HMGXB3: variants seen among roughly 807,000 people sequenced by gnomAD.
The protein encoded by HMGXB3 is HMG domain-containing protein 3.
In HMGXB3, 45 loss-of-function variants were observed where a neutral mutation model predicts 121.5. That is an observed-to-expected ratio of 0.37 (90% CI 0.29 to 0.47). The LOEUF is 0.47. Ranked by LOEUF, HMGXB3 falls within the 20% of genes least tolerant of loss-of-function variation. HMGXB3 has a pLI of 0.99. For synonymous variants in HMGXB3, 590 were observed against 624.1 expected, an observed-to-expected ratio of 0.95 and a Z score of 0.81; for missense variants, 1,376 against 1,602.2, an observed-to-expected ratio of 0.86 and a Z score of 2.41.
At chr5:150,015,144 A>G in intron 5 of HMGXB3, 1 of 329,632 alleles carries the variant, frequency 3.0e-6, no homozygotes, top group Non-Finnish European at 5.6e-6. Flanking sequence ...AGGACTTCAA[A>G]GGTGAGCAGG....
chr5:150,016,681 A>G (rs751410286), intron 5 of HMGXB3, among the ~76,000 whole-genome samples: 6 of 152,026 alleles, frequency 3.9e-5, no homozygotes, highest in African/African-American at 7.3e-5. Context: ...TATAGTTTCA[A>G]TATAAAAGCA....
Position 150,019,884 on chromosome 5 carries a change from T to G in HMGXB3, c.1041+1187T>G, listed in dbSNP as rs145880932. Among the ~76,000 whole-genome samples, 8 of 152,274 alleles carry G rather than the reference T, an allele frequency of 5.3e-5. No individual in the cohort carries two copies. The East Asian group carries it at 1.5e-3, about 29-fold the overall frequency. ...TGGTGACTTTTGCCCTCTGGATGAGTGTTTTGGCTTCTGGCTAAGTTCAGG... is the reference window on the plus strand; with the variant it reads ...TGGTGACTTTTGCCCTCTGGATGAGGGTTTTGGCTTCTGGCTAAGTTCAGG... On this transcript the variant is annotated intron_variant, in intron 6 of 19. Coordinates refer to ENST00000502717, the MANE Select transcript of HMGXB3 (RefSeq NM_014983.3).
chr5:150,039,049 C>CTGG (rs1383280042), intron 13 of HMGXB3, among the ~76,000 whole-genome samples: 2 of 152,170 alleles, frequency 1.3e-5, no homozygotes, highest in African/African-American at 4.8e-5. Flanking sequence ...ATTTTGCATT[C>CTGG]CTTCCCACAA....
intron 11 of HMGXB3, among the ~76,000 whole-genome samples, chr5:150,035,136 G>C (rs144636034): frequency 5.4e-4 from 83 of 152,316 alleles, no homozygotes; most frequent in African/African-American, 1.9e-3. Flanking sequence ...CTTATTAAGT[G>C]TCCTAGTCTG....
intron 15 of HMGXB3, 91 bp downstream of exon 15, chr5:150,042,060 C>A: frequency 1.9e-6 from 2 of 1,059,960 alleles, no homozygotes; most frequent in Non-Finnish European, 2.7e-6. Context: ...GGGTGGATAG[C>A]TCCAGTCCTG....
intron 6 of HMGXB3, among the ~76,000 whole-genome samples, chr5:150,019,072 G>A (rs1489966719): frequency 6.6e-6 from 1 of 151,722 alleles, no homozygotes; most frequent in Non-Finnish European, 1.5e-5. Context: ...GCCTCCCAAA[G>A]TGCTGGGATT....
chr5:150,026,756 C>A lies in HMGXB3; in HGVS notation c.1511C>A (p.Ala504Glu). The stretch of plus-strand genomic sequence containing the variant: ...AGAGCTCCAGAGCTTAAAGGCAGAG[C>A]ACGGGGCAAGCCCTCATTACTGGCT... ...GSRAPELKGR[A>E]RGKPSLLAAA... is the part of the protein sequence containing the mutation. Residue 504 changes from alanine to glutamate, a missense_variant, in exon 8 of 20, where the codon GCA becomes GAA. Ala to Glu is a moderately radical substitution (Grantham distance 107). Coordinates refer to ENST00000502717, the MANE Select transcript of HMGXB3 (RefSeq NM_014983.3). The A allele has an allele frequency of 6.4e-7, 1 of 1,551,390 alleles. No homozygotes were observed. The highest frequency in any genetic ancestry group is 8.7e-7 in the Non-Finnish European group (1 of 1,146,914).
At position 150,036,617 on chromosome 5, in the gene HMGXB3, C is replaced by T. The variant is rs1251429439; in HGVS notation, c.1984-19C>T. ...CTTTCTGCTCTGAGTGCTTGGTGAT[C>T]AATCCACTCTCTTCCCAGGAGGTGA... is the stretch of plus-strand genomic sequence containing the variant. On this transcript the variant is annotated intron_variant, in intron 11 of 19. Transcript: ENST00000502717. The T allele has an allele frequency of 1.3e-5, 20 of 1,512,280 alleles. No homozygotes were observed. Among genetic ancestry groups the T allele is most frequent in the East Asian group, 1.2e-4 (5 of 40,464 alleles). The allele number at this position is 1,512,280 out of a possible 1,614,324, so 93.7% of individuals were successfully genotyped here. A position where few individuals can be genotyped will look rare whatever the true frequency, so the allele number is the denominator to read the frequency against.
At chr5:150,034,662 A>C (rs1285254853) in intron 11 of HMGXB3, among the ~76,000 whole-genome samples, 1 of 152,110 alleles carries the variant, frequency 6.6e-6, no homozygotes, top group Admixed American at 6.6e-5. Flanking sequence ...CAATCTCCTA[A>C]AGTTTGGAGA....
At chr5:150,027,216 G>A (rs915059528) in intron 9 of HMGXB3, 99 bp downstream of exon 9, 10 of 845,846 alleles carry the variant, frequency 1.2e-5, no homozygotes, top group African/African-American at 3.5e-5. Context: ...TTTCTTACAC[G>A]TTGGCAGACC....
chr5:150,010,746 A>G, intron 4 of HMGXB3, 138 bp downstream of exon 4: 1 of 870,896 alleles, frequency 1.1e-6, no homozygotes, highest in African/African-American at 1.7e-5. Context: ...GTTCTCTTGA[A>G]TGTGTCTTGC....
At chr5:150,032,698 G>A (rs1756409855) in intron 11 of HMGXB3, 95 bp downstream of exon 11, 1 of 1,402,438 alleles carries the variant, frequency 7.1e-7, no homozygotes, top group Admixed American at 2.1e-5. Context: ...AAAGTACATG[G>A]TGGTAGTTAG....
intron 6 of HMGXB3, among the ~76,000 whole-genome samples, chr5:150,023,830 A>G (rs1421025156): frequency 6.6e-6 from 1 of 152,276 alleles, no homozygotes; most frequent in Admixed American, 6.5e-5. Flanking sequence ...TTGCGGCCAC[A>G]TTGGGATTAA....
Position 150,050,506 on chromosome 5 carries a change from ATG to A in HMGXB3, c.3411+47_3411+48del, listed in dbSNP as rs760396918. ...ACTGCCATGTCTCCTCAAGCCTACC[ATG>A]TCTTGCTCTGTCACCCAGGCTGGAG... On this transcript the variant is annotated intron_variant, in intron 19 of 19. Transcript: ENST00000502717. 8.4e-6 allele frequency: 12 copies of A among 1,432,200 alleles called. No homozygotes were observed. The African/African-American group carries it at 1.3e-4, about 15-fold the overall frequency. 88.7% of individuals were successfully genotyped at this position (1,432,200 alleles called of 1,614,324 possible). A position where few individuals can be genotyped will look rare whatever the true frequency, so the allele number is the denominator to read the frequency against.
chr5:150,048,815 G>A (rs1581268600), intron 18 of HMGXB3, 130 bp downstream of exon 18: 7 of 703,530 alleles, frequency 9.9e-6, no homozygotes, highest in Middle Eastern at 2.9e-4. Flanking sequence ...AGCTGCCCAC[G>A]GGTCAGGTGC....
At chr5:150,030,149 T>C (rs1293238690) in intron 9 of HMGXB3, among the ~76,000 whole-genome samples, 1 of 151,954 alleles carries the variant, frequency 6.6e-6, no homozygotes, top group African/African-American at 2.4e-5. Flanking sequence ...TTTCTTTTTT[T>C]TAGCTATATA....
intron 5 of HMGXB3, 25 bp downstream of exon 5, chr5:150,012,378 A>G: frequency 6.8e-7 from 1 of 1,471,988 alleles, no homozygotes; most frequent in Non-Finnish European, 9.3e-7. Context: ...TGGGGGATTG[A>G]TGGCAATTAG....
Position 150,052,375 on chromosome 5 carries a change from C to G in HMGXB3, c.*183C>G. 1 of 600,628 alleles carries G rather than the reference C, an allele frequency of 1.7e-6. No homozygotes were observed. The highest frequency in any genetic ancestry group is 2.9e-6 in the Non-Finnish European group (1 of 339,832). 37.2% of individuals were successfully genotyped at this position (600,628 alleles called of 1,614,324 possible). On this transcript the variant is annotated 3_prime_UTR_variant, in exon 20 of 20. Transcript: ENST00000502717. ...GGACCCAGGGTCCTCAGTTCTCAAC[C>G]CTCCAGGGGTCAGGAGTGGTACCAG...
At chr5:150,036,372 T>A (rs1339127659) in intron 11 of HMGXB3, among the ~76,000 whole-genome samples, 2 of 152,208 alleles carry the variant, frequency 1.3e-5, no homozygotes, top group Non-Finnish European at 2.9e-5. Context: ...ATCCCTTGAA[T>A]GTTGTCTCAG....
Sources: gnomAD v4.1 joint callset for allele counts (sites outside exome capture counted in the v4.1 genomes callset) on GRCh38, gnomAD v4.1.1 for gene constraint, MANE v1.5 for transcripts, NCBI Gene and HGNC (gene_info 2026-07-23, HGNC 2026-07-21) for gene names.